ASIC2: variants seen among roughly 807,000 people sequenced by gnomAD.
The protein encoded by ASIC2 is acid sensing ion channel subunit 2.
Under a neutral mutation model 57.3 loss-of-function variants are expected in ASIC2, and 25 were observed. That is an observed-to-expected ratio of 0.44 (90% CI 0.32 to 0.61). The LOEUF is 0.61. Among genes scored for constraint, ASIC2 ranks in the 20% least tolerant of loss-of-function variants. The probability of loss-of-function intolerance (pLI) is 0.06; values close to 1 mark genes in which losing one functional copy is unlikely to be tolerated. For missense variants in ASIC2, 641 were observed against 738.1 expected (o/e 0.87, Z 1.52); for synonymous variants, 319 against 307.5 (o/e 1.04, Z -0.39).
intron 1 of ASIC2, among the ~76,000 whole-genome samples, chr17:34,088,614 T>G (rs1039107884): frequency 6.6e-6 from 1 of 152,234 alleles, no homozygotes; most frequent in Admixed American, 6.5e-5. Flanking sequence ...GCTGTCTTTT[T>G]GTTTGTCTGT....
chr17:33,054,322 T>G (rs1340702061), intron 3 of ASIC2, among the ~76,000 whole-genome samples: 1 of 152,210 alleles, frequency 6.6e-6, no homozygotes, highest in Non-Finnish European at 1.5e-5. Flanking sequence ...ACTAGACTTC[T>G]GGACTCTGTC....
chr17:33,659,490 T>C (rs1191088859), intron 1 of ASIC2, among the ~76,000 whole-genome samples: 1 of 152,196 alleles, frequency 6.6e-6, no homozygotes, highest in African/African-American at 2.4e-5. Flanking sequence ...CTGTCCTCAA[T>C]ACTGTAGGCA....
intron 1 of ASIC2, among the ~76,000 whole-genome samples, chr17:34,065,954 T>C (rs1008159518): frequency 6.6e-6 from 1 of 152,072 alleles, no homozygotes; most frequent in African/African-American, 2.4e-5. Context: ...ACCAACACTC[T>C]CGAGATAGTA....
At chr17:33,200,373 A>G (rs1906811371) in intron 1 of ASIC2, among the ~76,000 whole-genome samples, 1 of 152,114 alleles carries the variant, frequency 6.6e-6, no homozygotes, top group Non-Finnish European at 1.5e-5. Flanking sequence ...ACTCACGAAT[A>G]AATCTGGCTC....
intron 1 of ASIC2, among the ~76,000 whole-genome samples, chr17:33,716,103 T>C (rs1454657298): frequency 6.6e-6 from 1 of 152,202 alleles, no homozygotes; most frequent in African/African-American, 2.4e-5. Context: ...TCATCTCTCT[T>C]GCTCTCCTCA....
intron 1 of ASIC2, among the ~76,000 whole-genome samples, chr17:33,831,154 C>T (rs1048981517): frequency 5.2e-5 from 5 of 96,396 alleles, no homozygotes; most frequent in African/African-American, 1.9e-4. Flanking sequence ...CAAGTCCTTA[C>T]AAATTTGGCT....
intron 1 of ASIC2, among the ~76,000 whole-genome samples, chr17:33,454,262 TC>T (rs1264305542): frequency 6.6e-6 from 1 of 152,232 alleles, no homozygotes; most frequent in Admixed American, 6.5e-5. Flanking sequence ...TTGTTCACTG[TC>T]CACTATGTTG....
chr17:33,909,199 C>T (rs1024614622), intron 1 of ASIC2, among the ~76,000 whole-genome samples: 29 of 152,166 alleles, frequency 1.9e-4, no homozygotes, highest in African/African-American at 6.3e-4. Context: ...GTGGTGCCTG[C>T]GCTCTTGGCA....
chr17:33,878,986 A>G (rs2141938024), intron 1 of ASIC2, among the ~76,000 whole-genome samples: 1 of 152,304 alleles, frequency 6.6e-6, no homozygotes, highest in East Asian at 1.9e-4. Flanking sequence ...TTCAACCCAG[A>G]ATTTCATATC....
At chr17:34,124,703 G>GC in intron 1 of ASIC2, among the ~76,000 whole-genome samples, 1 of 152,244 alleles carries the variant, frequency 6.6e-6, no homozygotes, top group African/African-American at 2.4e-5. Flanking sequence ...CTTCTTGGGG[G>GC]CCCCCTTCCC....
intron 1 of ASIC2, among the ~76,000 whole-genome samples, chr17:33,690,428 T>G (rs1264301095): frequency 6.6e-6 from 1 of 152,192 alleles, no homozygotes; most frequent in Admixed American, 6.5e-5. Flanking sequence ...TCTTTTGCTC[T>G]TCATGTGGTT....
intron 1 of ASIC2, among the ~76,000 whole-genome samples, chr17:33,961,403 T>C (rs970744042): frequency 3.3e-5 from 4 of 119,898 alleles, no homozygotes; most frequent in Admixed American, 9.2e-5. Flanking sequence ...CAGTTGGTGG[T>C]TGGAGGCTAG....
At chr17:33,749,572 G>A (rs1910367395) in intron 1 of ASIC2, among the ~76,000 whole-genome samples, 1 of 152,010 alleles carries the variant, frequency 6.6e-6, no homozygotes, top group African/African-American at 2.4e-5. Context: ...TGAGCTGGCT[G>A]TCCCCATCTG....
At chr17:34,079,105 G>C (rs896895124) in intron 1 of ASIC2, 3 of 152,160 alleles carry the variant, frequency 2.0e-5, no homozygotes, top group Non-Finnish European at 4.4e-5. Flanking sequence ...CTGTTCAGTT[G>C]AATCTCCACA....
chr17:34,005,337 G>A (rs908909236), intron 1 of ASIC2: 8 of 152,070 alleles, frequency 5.3e-5, no homozygotes, highest in East Asian at 3.9e-4. Context: ...TTGGTTTCTC[G>A]ATACGTTTCT....
intron 1 of ASIC2, among the ~76,000 whole-genome samples, chr17:33,144,170 GAAAAAC>G (rs1385782227): frequency 6.6e-6 from 1 of 151,038 alleles, no homozygotes; most frequent in East Asian, 1.9e-4. Flanking sequence ...AAAAAAAAAC[GAAAAAC>G]AAAAACAAAA....
rs2091789905 is a variant in ASIC2 at position 33,013,635 on chromosome 17, T to C, written c.*330A>G. On this transcript the variant is annotated 3_prime_UTR_variant, in exon 10 of 10. Transcript: ENST00000225823. Reference sequence around the variant, plus strand: ...CTGGAAACCGCGTGGAGGAGTGTCATGTACAAGACAGACGTGGAGGTGGCG... The same window carrying C: ...CTGGAAACCGCGTGGAGGAGTGTCACGTACAAGACAGACGTGGAGGTGGCG... 2 of 323,696 alleles carry C rather than the reference T, an allele frequency of 6.2e-6. No individual in the cohort carries two copies. The highest frequency in any genetic ancestry group is 4.4e-5 in the South Asian group (1 of 22,532). 20.1% of individuals were successfully genotyped at this position (323,696 alleles called of 1,614,324 possible).
At chr17:33,321,178 C>T (rs1017664048) in intron 1 of ASIC2, among the ~76,000 whole-genome samples, 5 of 152,308 alleles carry the variant, frequency 3.3e-5, no homozygotes, top group African/African-American at 1.2e-4. Flanking sequence ...GCACCTAGCA[C>T]ATAGCAGGCA....
chr17:33,652,789 G>A (rs1906959244), intron 1 of ASIC2, among the ~76,000 whole-genome samples: 1 of 152,180 alleles, frequency 6.6e-6, no homozygotes, highest in African/African-American at 2.4e-5. Flanking sequence ...TATGCAGTTT[G>A]CATGTGTGCC....
Sources: gnomAD v4.1 joint callset for allele counts (sites outside exome capture counted in the v4.1 genomes callset) on GRCh38, gnomAD v4.1.1 for gene constraint, MANE v1.5 for transcripts, NCBI Gene and HGNC (gene_info 2026-07-23, HGNC 2026-07-21) for gene names.